The following PCNT variants were observed in gnomAD, a reference collection of about 807,000 sequenced individuals.
The protein encoded by PCNT is pericentrin.
PCNT carries 319 observed loss-of-function variants against 380.4 expected under a neutral mutation model. The ratio of observed to expected loss-of-function variants is 0.84; its 90% confidence interval spans 0.77 to 0.92. PCNT has a LOEUF of 0.92. Ranked by LOEUF, PCNT falls within the 40% of genes least tolerant of loss-of-function variation. PCNT has a pLI of 0.00. For missense variants in PCNT, 4,400 were observed against 4,255.3 expected, an observed-to-expected ratio of 1.03 and a Z score of -0.95; for synonymous variants, 1,845 against 1,735.2, an observed-to-expected ratio of 1.06 and a Z score of -1.57.
chr21:46,334,362 C>G (rs1201110530), intron 2 of PCNT, 35 bp from the exon 3 acceptor site: 4 of 1,613,878 alleles, frequency 2.5e-6, no homozygotes, highest in Non-Finnish European at 3.4e-6. Flanking sequence ...CTAGACCTTG[C>G]TTTAAATGCT....
chr21:46,376,131 G>A (rs1372028706), intron 15 of PCNT, among the ~76,000 whole-genome samples: 2 of 152,168 alleles, frequency 1.3e-5, no homozygotes, highest in Admixed American at 6.5e-5. Flanking sequence ...CCCGGAGGCC[G>A]CGGGGCTAGA....
At chr21:46,393,464 G>C (rs2086103228) in intron 21 of PCNT, among the ~76,000 whole-genome samples, 3 of 152,066 alleles carry the variant, frequency 2.0e-5, no homozygotes, top group African/African-American at 4.8e-5. Flanking sequence ...GCAGCCTCAT[G>C]GTCGGGCCCC....
chr21:46,433,244 A>G (rs59500178), intron 38 of PCNT, among the ~76,000 whole-genome samples: 74,918 of 152,054 alleles, frequency 0.49, 19,344 homozygotes, highest in East Asian at 0.63. Flanking sequence ...TTAGCCGGGC[A>G]TGGTAGTGTG....
At position 46,364,159 on chromosome 21, in the gene PCNT, C is replaced by T. The variant is rs192938704; in HGVS notation, c.2609+225C>T. ...AGTTGCCATCCTGAAGCCCCCTGGC[C>T]GCAGTGGGACAGCTTTGTGCTCGGA... is the stretch of plus-strand genomic sequence containing the variant. On this transcript the variant is annotated intron_variant, in intron 14 of 46. Transcript: ENST00000359568. Among the ~76,000 whole-genome samples the T allele has an allele frequency of 6.0e-5, 9 of 149,106 alleles. No individual in the cohort carries two copies. In the East Asian group the frequency reaches 1.4e-3, roughly 23 times the overall value.
chr21:46,438,904 G>T (rs753388380), intron 41 of PCNT, among the ~76,000 whole-genome samples: 3 of 151,820 alleles, frequency 2.0e-5, no homozygotes, highest in Non-Finnish European at 4.4e-5. Context: ...AAATCCTGAC[G>T]TGATTCCGCC....
chr21:46,431,649 TG>T lies in PCNT; in HGVS notation c.8186del (p.Cys2729SerfsTer39). 1 of 1,613,784 alleles carries T rather than the reference TG, an allele frequency of 6.2e-7. No individual in the cohort carries two copies. On this transcript the variant is annotated frameshift_variant, in exon 38 of 47. Transcript: ENST00000359568. LOFTEE classifies it high-confidence loss of function. ...QKELRIEHSRCEALLAQERSQ... is the reference protein window; with the variant it reads ...QKELRIEHSRXEALLAQERSQ... Reference sequence around the variant, plus strand: ...GGAGCTGCGTATCGAGCACTCACGCTGCGAGGCCTTGCTGGCTCAGGAGCGG... The same window carrying T: ...GGAGCTGCGTATCGAGCACTCACGCTCGAGGCCTTGCTGGCTCAGGAGCGG...
Position 46,401,705 on chromosome 21 carries a change from T to C in PCNT, c.4946T>C (p.Leu1649Pro), listed in dbSNP as rs149214680. The C allele has an allele frequency of 5.5e-5, 88 of 1,613,912 alleles. No individual in the cohort carries two copies. The African/African-American group carries it at 1.0e-3, about 19-fold the overall frequency. Residue 1649 changes from leucine (L) to proline (P), a missense_variant, in exon 26 of 47, where the codon CTG becomes CCG. Physicochemically the swap from Leu to Pro is moderately conservative, Grantham distance 98. Transcript: ENST00000359568. ...TTAGAGGTGACACAGAGAGCACTCC[T>C]GCGGCGCGAGAGCGAGGTGAGTGCA... is the stretch of plus-strand genomic sequence containing the variant. Reference protein sequence around the residue: ...IQLEVTQRALLRRESEVLDLK... With the variant: ...IQLEVTQRALPRRESEVLDLK...
chr21:46,418,555 G>T (rs1277046729), intron 31 of PCNT, among the ~76,000 whole-genome samples: 1 of 152,222 alleles, frequency 6.6e-6, no homozygotes, highest in Non-Finnish European at 1.5e-5. Flanking sequence ...CTGATCCAAG[G>T]CTGGCATCTC....
intron 19 of PCNT, 37 bp downstream of exon 19, chr21:46,389,468 A>G (rs749640405): frequency 2.6e-6 from 4 of 1,533,216 alleles, no homozygotes. Context: ...TGGAGATGTG[A>G]ACAACTGAGT....
chr21:46,336,353 G>A (rs890583196), intron 3 of PCNT, among the ~76,000 whole-genome samples: 3 of 152,184 alleles, frequency 2.0e-5, no homozygotes, highest in Non-Finnish European at 4.4e-5. Flanking sequence ...TCTCTGGTGG[G>A]TTCTATAAAA....
At chr21:46,329,190 G>A (rs944578290) in intron 2 of PCNT, among the ~76,000 whole-genome samples, 2 of 152,186 alleles carry the variant, frequency 1.3e-5, no homozygotes, top group African/African-American at 2.4e-5. Flanking sequence ...GGAGACTGAT[G>A]GGTCGTTAAC....
Position 46,427,793 on chromosome 21 carries a change from C to T in PCNT, c.7492C>T (p.Gln2498Ter), listed in dbSNP as rs1405387434. Residue 2498 changes from glutamine to a stop codon, truncating the protein, a stop_gained and splice_region_variant, in exon 34 of 47, where the codon CAG becomes TAG. Transcript: ENST00000359568. LOFTEE classifies it high-confidence loss of function. ...AAGGCTGGAGAAGATCATCCGTGAG[C>T]AGGTGAGTGTCAGCTCTGCCACCAG... Reference protein sequence around the residue: ...LERLEKIIREQGDLQEKSLEH... With the variant: ...LERLEKIIRE 3 of 1,613,164 alleles carry T rather than the reference C, an allele frequency of 1.9e-6. No homozygotes were observed. The highest frequency in any genetic ancestry group is 1.7e-6 in the Non-Finnish European group (2 of 1,180,010).
intron 3 of PCNT, among the ~76,000 whole-genome samples, chr21:46,336,810 G>A (rs1212676566): frequency 2.0e-5 from 3 of 152,050 alleles, no homozygotes; most frequent in African/African-American, 7.3e-5. Flanking sequence ...TGTATTTATA[G>A]ACATATATGT....
At position 46,346,195 on chromosome 21, in the gene PCNT, T is replaced by A; in HGVS notation, c.707T>A (p.Leu236Gln). The change falls in exon 4 of 47, where the codon CTG (leucine) becomes CAG (glutamine). Residue 236 changes from leucine (L) to glutamine (Q), a missense_variant. Physicochemically the swap from Leu to Gln is moderately radical, Grantham distance 113. Transcript: ENST00000359568. ...AGCGGCCGTGAAGATGAGGCTGGCC[T>A]GCATCAGAGTCAGGTGACCCGGCGG... ...LESGREDEAG[L>Q]HQSQAVHGLE... 1 of 1,613,078 alleles carries A rather than the reference T, an allele frequency of 6.2e-7. No homozygotes were observed. The highest frequency in any genetic ancestry group is 8.5e-7 in the Non-Finnish European group (1 of 1,179,640).
Position 46,367,108 on chromosome 21 carries a change from C to T in PCNT, c.3134C>T (p.Thr1045Ile), listed in dbSNP as rs1472219555. 1.2e-6 allele frequency: 2 copies of T among 1,613,318 alleles called. No homozygotes were observed. Among genetic ancestry groups the T allele is most frequent in the East Asian group, 4.5e-5 (2 of 44,882 alleles). The change falls in exon 15 of 47, where the codon ACC (threonine) becomes ATC (isoleucine). Residue 1045 changes from threonine (T) to isoleucine (I), a missense_variant. Physicochemically the swap from Thr to Ile is moderately conservative, Grantham distance 89. Transcript: ENST00000359568. ...RTEVSTELAG[T>I]VAHELQGVHQ... Reference sequence around the variant, plus strand: ...GAAGTGAGCACAGAGCTCGCCGGAACCGTGGCTCACGAGCTGCAGGGAGTG... The same window carrying T: ...GAAGTGAGCACAGAGCTCGCCGGAATCGTGGCTCACGAGCTGCAGGGAGTG...
intron 13 of PCNT, among the ~76,000 whole-genome samples, chr21:46,359,916 G>GCA (rs562658832): frequency 6.6e-6 from 1 of 151,148 alleles, no homozygotes; most frequent in Non-Finnish European, 1.5e-5. Context: ...GAGTGCAGTG[G>GCA]CACAGTCTTG....
chr21:46,405,102 A>C (rs1273247776), intron 27 of PCNT, among the ~76,000 whole-genome samples: 1 of 152,200 alleles, frequency 6.6e-6, no homozygotes. Flanking sequence ...TTAGCCAGGC[A>C]TACACCTATA....
intron 14 of PCNT, 147 bp downstream of exon 14, chr21:46,364,081 G>A: frequency 1.4e-6 from 1 of 724,200 alleles, no homozygotes; most frequent in Non-Finnish European, 2.3e-6. Context: ...GGCGCTCTAG[G>A]TTTTCAGCCT....
At position 46,402,377 on chromosome 21, in the gene PCNT, A is replaced by G; in HGVS notation, c.5009A>G (p.Glu1670Gly). 6.2e-7 allele frequency: 1 copy of G among 1,612,346 alleles called. No individual in the cohort carries two copies. The highest frequency in any genetic ancestry group is 8.5e-7 in the Non-Finnish European group (1 of 1,178,350). ...CTAGAAAAGATGAAAGGTGACTTAG[A>G]AAGTAAAAATGAAGAAATACTACAT... ...EQLEKMKGDL[E>G]SKNEEILHLN... Residue 1670 changes from glutamate (E) to glycine (G), a missense_variant, in exon 27 of 47, where the codon GAA becomes GGA. Transcript: ENST00000359568.
Sources: gnomAD v4.1 joint callset for allele counts (sites outside exome capture counted in the v4.1 genomes callset) on GRCh38, gnomAD v4.1.1 for gene constraint, MANE v1.5 for transcripts, NCBI Gene and HGNC (gene_info 2026-07-23, HGNC 2026-07-21) for gene names.